The following UXS1 variants were observed in gnomAD, a reference collection of about 807,000 sequenced individuals.
The protein encoded by UXS1 is UDP-glucuronic acid decarboxylase 1.
In UXS1, 33 loss-of-function variants were observed where a neutral mutation model predicts 62.6. The ratio of observed to expected loss-of-function variants is 0.53; its 90% CI spans 0.40 to 0.70. The LOEUF (loss-of-function observed/expected upper bound fraction) is 0.70. UXS1 is among the 30% of genes least tolerant of loss of function. UXS1 has a pLI of 0.00. For synonymous variants in UXS1, 213 were observed against 206.8 expected (o/e 1.03, Z -0.26); for missense variants, 434 against 556.3 (o/e 0.78, Z 2.21).
At chr2:106,104,712 A>G (rs1484891155) in intron 11 of UXS1, 82 bp downstream of exon 11, 2 of 1,529,270 alleles carry the variant, frequency 1.3e-6, no homozygotes, top group Non-Finnish European at 1.8e-6. Context: ...TAACATATAC[A>G]AGACACTGAA....
intron 6 of UXS1, among the ~76,000 whole-genome samples, chr2:106,142,417 C>T (rs1681183206): frequency 6.6e-6 from 1 of 152,120 alleles, no homozygotes; most frequent in South Asian, 2.1e-4. Context: ...TCCTTTGTCT[C>T]ATATCTTATG....
At chr2:106,158,526 A>G (rs1386357277) in intron 4 of UXS1, among the ~76,000 whole-genome samples, 2 of 152,212 alleles carry the variant, frequency 1.3e-5, no homozygotes, top group African/African-American at 4.8e-5. Context: ...CTAACCTCAC[A>G]GGCTCAATTT....
At chr2:106,179,322 C>T (rs1413652723) in intron 1 of UXS1, among the ~76,000 whole-genome samples, 1 of 152,142 alleles carries the variant, frequency 6.6e-6, no homozygotes, top group Non-Finnish European at 1.5e-5. Flanking sequence ...AAAGGCCCTG[C>T]CCTGCACTTC....
Position 106,101,073 on chromosome 2 carries a change from G to A in UXS1, c.969C>T (p.Ser323=), listed in dbSNP as rs754382857. 1 of 1,613,950 alleles carries A rather than the reference G, an allele frequency of 6.2e-7. No individual in the cohort carries two copies. The highest frequency in any genetic ancestry group is 2.2e-5 in the East Asian group (1 of 44,876). The change falls in exon 12 of 15, where the codon AGC becomes AGT. Residue 323 remains serine, a synonymous_variant. Coordinates refer to ENST00000283148, the MANE Select transcript of UXS1 (RefSeq NM_001253875.2). The stretch of plus-strand genomic sequence containing the variant: ...GAGCACTCACCAGGTTGACCGGGCT[G>A]CTGACGTTGCTGTTCATGAGAGCCA... ...GLVALMNSNV[S]SPVNLGNPEE...
chr2:106,116,347 G>A (rs1213502071), intron 9 of UXS1, among the ~76,000 whole-genome samples: 1 of 152,158 alleles, frequency 6.6e-6, no homozygotes, highest in African/African-American at 2.4e-5. Context: ...CAGATTAAGG[G>A]CATAACCCTT....
chr2:106,142,230 A>G (rs1336800765), intron 6 of UXS1, among the ~76,000 whole-genome samples: 1 of 152,166 alleles, frequency 6.6e-6, no homozygotes, highest in Admixed American at 6.5e-5. Flanking sequence ...TTTGTAAAAT[A>G]CCTTTCTATA....
At chr2:106,186,437 G>A (rs929431202) in intron 1 of UXS1, among the ~76,000 whole-genome samples, 2 of 124,480 alleles carry the variant, frequency 1.6e-5, no homozygotes, top group African/African-American at 3.1e-5. Flanking sequence ...AACTGCTCTG[G>A]GCTTTTATAT....
chr2:106,131,318 G>C (rs1244371500), intron 6 of UXS1, among the ~76,000 whole-genome samples: 1 of 90,092 alleles, frequency 1.1e-5, no homozygotes, highest in Non-Finnish European at 2.5e-5. Flanking sequence ...AGGCGGCAAC[G>C]AGGCTGGGGG....
chr2:106,174,807 A>T (rs1333012059), intron 1 of UXS1, among the ~76,000 whole-genome samples: 2 of 146,630 alleles, frequency 1.4e-5, no homozygotes, highest in Non-Finnish European at 3.1e-5. Flanking sequence ...AGCGGAAGAC[A>T]GGCCCCAAGA....
chr2:106,097,942 A>T (rs995814681), intron 13 of UXS1, among the ~76,000 whole-genome samples: 1 of 152,240 alleles, frequency 6.6e-6, no homozygotes, highest in African/African-American at 2.4e-5. Flanking sequence ...ATCCGGGTCG[A>T]TTAGACCAAT....
At chr2:106,100,873 GT>G in intron 12 of UXS1, 184 bp downstream of exon 12, 1 of 727,852 alleles carries the variant, frequency 1.4e-6, no homozygotes, top group Non-Finnish European at 2.3e-6. Flanking sequence ...CCTTGCAGAT[GT>G]TTTACTTCTT....
chr2:106,112,774 G>C lies in UXS1; in HGVS notation c.760-9C>G. 1.2e-6 allele frequency: 2 copies of C among 1,612,332 alleles called. No individual in the cohort carries two copies. Among genetic ancestry groups the C allele is most frequent in the Non-Finnish European group, 1.7e-6 (2 of 1,179,272 alleles). ...CGCACTTCCACGCCTTCCTGGAACA[G>C]AGAGAAGAGGAGGTCAGGTGTGCTC... is the stretch of plus-strand genomic sequence containing the variant. On this transcript the variant is annotated splice_polypyrimidine_tract_variant and intron_variant, in intron 9 of 14. Coordinates refer to ENST00000283148, the MANE Select transcript of UXS1 (RefSeq NM_001253875.2).
rs200989013 is a variant in UXS1 at position 106,173,801 on chromosome 2, G to T, written c.95-7718C>A. On this transcript the variant is annotated intron_variant, in intron 1 of 14. Coordinates refer to ENST00000283148, the MANE Select transcript of UXS1 (RefSeq NM_001253875.2). The stretch of plus-strand genomic sequence containing the variant: ...TTTTTGACTTTTTTCAACCATTTAA[G>T]AATTGTTAAAACTTTCTAGCTCTTG... Among the ~76,000 whole-genome samples the T allele has an allele frequency of 2.6e-5, 4 of 152,202 alleles. No homozygotes were observed. In the East Asian group the frequency reaches 7.7e-4, roughly 29 times the overall value.
chr2:106,188,757 G>A (rs576040108), intron 1 of UXS1, among the ~76,000 whole-genome samples: 190 of 152,258 alleles, frequency 1.2e-3, no homozygotes, highest in African/African-American at 4.2e-3. Context: ...TCCCTACAGA[G>A]TCCCCCACTC....
intron 7 of UXS1, among the ~76,000 whole-genome samples, chr2:106,129,268 C>T (rs998760350): frequency 6.6e-6 from 1 of 152,172 alleles, no homozygotes; most frequent in Non-Finnish European, 1.5e-5. Context: ...CCATGTCAAC[C>T]CAACCTGGGG....
intron 6 of UXS1, among the ~76,000 whole-genome samples, chr2:106,143,190 T>C (rs890164038): frequency 3.3e-5 from 5 of 151,558 alleles, no homozygotes; most frequent in South Asian, 2.1e-4. Context: ...GGGCGGATCA[T>C]GAGGGCAGGA....
At chr2:106,117,652 G>A (rs898958499) in intron 9 of UXS1, among the ~76,000 whole-genome samples, 4 of 152,224 alleles carry the variant, frequency 2.6e-5, no homozygotes, top group African/African-American at 4.8e-5. Context: ...GTAGGGAATG[G>A]AATGGAGAAA....
intron 9 of UXS1, 141 bp from the exon 10 acceptor site, chr2:106,112,906 G>C (rs1374942076): frequency 2.2e-6 from 3 of 1,351,704 alleles, no homozygotes; most frequent in Non-Finnish European, 3.0e-6. Flanking sequence ...TTTTTGTTCT[G>C]ATTCCATAAT....
At position 106,136,423 on chromosome 2, in the gene UXS1, A is replaced by G. The variant is rs1245506911; in HGVS notation, c.473-6645T>C. Reference sequence around the variant, plus strand: ...CATCCCATTACTGGGTATATACCCAAATGACTATAAATCATGCTGCTATAA... The same window carrying G: ...CATCCCATTACTGGGTATATACCCAGATGACTATAAATCATGCTGCTATAA... On this transcript the variant is annotated intron_variant, in intron 6 of 14. Coordinates refer to ENST00000283148, the MANE Select transcript of UXS1 (RefSeq NM_001253875.2). 1.2e-3 allele frequency among the ~76,000 whole-genome samples: 164 copies of G among 138,642 alleles called. 1 individual carries two copies. The highest frequency in any genetic ancestry group is 3.5e-3 in the African/African-American group (130 of 36,814). The allele number at this position is 138,642 out of a possible 152,430, so 91.0% of individuals were successfully genotyped here.
Sources: allele counts gnomAD v4.1 joint callset (sites outside exome capture counted in the v4.1 genomes callset), GRCh38; gene constraint gnomAD v4.1.1; transcripts MANE v1.5; gene names NCBI Gene and HGNC (gene_info 2026-07-23, HGNC 2026-07-21).